SIGLECL1: variants seen among roughly 807,000 people sequenced by gnomAD.
The protein encoded by SIGLECL1 is SIGLEC family-like protein 1.
A neutral mutation model predicts 19.1 loss-of-function variants in SIGLECL1; 16 were observed. The observed-to-expected ratio is 0.84, with a 90% confidence interval of 0.57 to 1.27. The LOEUF is 1.27. SIGLECL1 is among the 50% of genes most tolerant of loss of function. The pLI is 0.00. For missense variants in SIGLECL1, 210 were observed against 239.4 expected (o/e 0.88, Z 0.81); for synonymous variants, 89 against 90.4 (o/e 0.98, Z 0.09).
upstream of SIGLECL1, among the ~76,000 whole-genome samples, chr19:51,249,303 G>T (rs941206144): frequency 8.7e-4 from 132 of 152,094 alleles, 1 homozygote; most frequent in Non-Finnish European, 1.2e-3. Flanking sequence ...AAGAGGGGCT[G>T]GCAGATGTTT....
chr19:51,268,699 A>C lies in SIGLECL1; in HGVS notation c.*102A>C. ...ACAGAAACCCTGGAGGCTGTAATAA[A>C]CCTGGAGCCCCCTGGACTCTCCTCA... On this transcript the variant is annotated 3_prime_UTR_variant, in exon 6 of 6. Transcript: ENST00000601727. 8.4e-7 allele frequency: 1 copy of C among 1,186,046 alleles called. No individual in the cohort carries two copies. The highest frequency in any genetic ancestry group is 1.5e-5 in the African/African-American group (1 of 65,402). The allele number at this position is 1,186,046 out of a possible 1,614,324, so 73.5% of individuals were successfully genotyped here.
At chr19:51,259,155 G>A (rs1472833717) in intron 1 of SIGLECL1, among the ~76,000 whole-genome samples, 1 of 150,064 alleles carries the variant, frequency 6.7e-6, no homozygotes, top group African/African-American at 2.5e-5. Context: ...CAAAAGGTTG[G>A]TGAAATTCTA....
chr19:51,248,954 A>G (rs1449674509), upstream of SIGLECL1, among the ~76,000 whole-genome samples: 1 of 152,222 alleles, frequency 6.6e-6, no homozygotes, highest in Non-Finnish European at 1.5e-5. Context: ...GAGCCATCTC[A>G]GCCTAATGGC....
At chr19:51,257,682 G>A (rs1055391982) in intron 1 of SIGLECL1, 1 of 152,178 alleles carries the variant, frequency 6.6e-6, no homozygotes, top group East Asian at 1.9e-4. Context: ...TTCTAGAAAT[G>A]TGATTTAGGA....
chr19:51,255,954 A>C (rs1982776205), intron 1 of SIGLECL1: 1 of 152,240 alleles, frequency 6.6e-6, no homozygotes, highest in African/African-American at 2.4e-5. Context: ...GACAGAAATG[A>C]ACTCAGTATC....
intron 3 of SIGLECL1, 36 bp downstream of exon 3, chr19:51,265,685 C>A: frequency 6.2e-7 from 1 of 1,611,390 alleles, no homozygotes; most frequent in Non-Finnish European, 8.5e-7. Flanking sequence ...TGGGTGAGGA[C>A]AATAAGCGGG....
intron 1 of SIGLECL1, among the ~76,000 whole-genome samples, chr19:51,258,501 G>A (rs930593596): frequency 5.9e-5 from 9 of 152,196 alleles, no homozygotes; most frequent in Non-Finnish European, 1.3e-4. Context: ...TGACCCACTG[G>A]ATGCATAAGG....
upstream of SIGLECL1, among the ~76,000 whole-genome samples, chr19:51,250,841 G>A (rs1330123998): frequency 1.3e-5 from 2 of 152,322 alleles, no homozygotes; most frequent in Non-Finnish European, 2.9e-5. Context: ...ATTGACTCTG[G>A]CAGCCGTGCA....
At chr19:51,261,633 C>G (rs796252997) in intron 1 of SIGLECL1, among the ~76,000 whole-genome samples, 2 of 151,880 alleles carry the variant, frequency 1.3e-5, no homozygotes, top group Non-Finnish European at 2.9e-5. Flanking sequence ...TTGGTTGTGT[C>G]TTTTGTAAAC....
At chr19:51,257,662 A>T (rs1982905311) in intron 1 of SIGLECL1, 1 of 152,180 alleles carries the variant, frequency 6.6e-6, no homozygotes, top group Non-Finnish European at 1.5e-5. Context: ...ACCTTGCATC[A>T]CACTGAATAT....
intron 1 of SIGLECL1, among the ~76,000 whole-genome samples, chr19:51,254,753 A>T (rs1982701875): frequency 6.6e-6 from 1 of 152,200 alleles, no homozygotes; most frequent in African/African-American, 2.4e-5. Context: ...TGAATATACT[A>T]AAACTCCTAA....
At chr19:51,250,081 C>T (rs1414340234), upstream of SIGLECL1, among the ~76,000 whole-genome samples, 1 of 147,092 alleles carries the variant, frequency 6.8e-6, no homozygotes, top group Non-Finnish European at 1.5e-5. Flanking sequence ...ATTTGGCTGG[C>T]TTCTTTTTTT....
chr19:51,268,055 T>C (rs560984635), intron 5 of SIGLECL1, among the ~76,000 whole-genome samples: 2 of 152,328 alleles, frequency 1.3e-5, no homozygotes, highest in African/African-American at 4.8e-5. Context: ...GAATCAGAAT[T>C]ATCCTGCTGC....
At position 51,265,639 on chromosome 19, in the gene SIGLECL1, A is replaced by C; in HGVS notation, c.294A>C (p.Leu98=). ...ACGGAACCCATGCTTTGAGCATCCT[A>C]CTGATGTCAAGTGAGGGTGGAGGGG... is the stretch of plus-strand genomic sequence containing the variant. ...NQNGTHALSI[L]LMSRKSSLAA... The change falls in exon 3 of 6, where the codon CTA becomes CTC. Residue 98 remains leucine (L), a synonymous_variant. Coordinates refer to ENST00000601727, the MANE Select transcript of SIGLECL1 (RefSeq NM_001385465.1). 1 of 1,613,476 alleles carries C rather than the reference A, an allele frequency of 6.2e-7. No homozygotes were observed. The highest frequency in any genetic ancestry group is 1.1e-5 in the South Asian group (1 of 91,030).
At chr19:51,249,369 C>T (rs1411698736), upstream of SIGLECL1, among the ~76,000 whole-genome samples, 1 of 152,020 alleles carries the variant, frequency 6.6e-6, no homozygotes, top group Non-Finnish European at 1.5e-5. Context: ...GTCAGGTCCC[C>T]TCTCGGGAAG....
chr19:51,267,760 A>C (rs978587008), intron 5 of SIGLECL1, among the ~76,000 whole-genome samples: 1 of 152,226 alleles, frequency 6.6e-6, no homozygotes, highest in African/African-American at 2.4e-5. Flanking sequence ...ATTTACACGC[A>C]CACACCATTA....
At chr19:51,258,373 T>C (rs2123407383) in intron 1 of SIGLECL1, among the ~76,000 whole-genome samples, 1 of 152,296 alleles carries the variant, frequency 6.6e-6, no homozygotes, top group East Asian at 1.9e-4. Context: ...AAGCCTTTGA[T>C]TCCTGGGCTG....
At chr19:51,262,616 A>AT (rs1983315662) in intron 1 of SIGLECL1, among the ~76,000 whole-genome samples, 2 of 152,118 alleles carry the variant, frequency 1.3e-5, no homozygotes, top group African/African-American at 4.8e-5. Flanking sequence ...CTAGAAAAAA[A>AT]GTCTAAGGAC....
At chr19:51,264,827 G>A (rs1208748422) in intron 2 of SIGLECL1, among the ~76,000 whole-genome samples, 1 of 152,190 alleles carries the variant, frequency 6.6e-6, no homozygotes, top group Admixed American at 6.5e-5. Flanking sequence ...TAAGAAAGGT[G>A]TTCTGTTTAT....
Sources: allele counts gnomAD v4.1 joint callset (sites outside exome capture counted in the v4.1 genomes callset), GRCh38; gene constraint gnomAD v4.1.1; transcripts MANE v1.5; gene names NCBI Gene and HGNC (gene_info 2026-07-23, HGNC 2026-07-21).